Variants in PCGF5 observed in about 807,000 individuals in gnomAD.
PCGF5 encodes the protein polycomb group RING finger protein 5.
A neutral mutation model predicts 44.3 loss-of-function variants in PCGF5; 9 were observed. That is an observed-to-expected ratio of 0.20 (90% confidence interval 0.12 to 0.35). PCGF5 has a LOEUF of 0.35. Among genes scored for constraint, PCGF5 ranks in the 10% least tolerant of loss-of-function variants. PCGF5 has a pLI of 1.00. For synonymous variants in PCGF5, 95 were observed against 102.5 expected, an observed-to-expected ratio of 0.93 and a Z score of 0.44; for missense variants, 146 against 305.3, an observed-to-expected ratio of 0.48 and a Z score of 3.89.
intron 3 of PCGF5, among the ~76,000 whole-genome samples, chr10:91,244,327 C>T (rs1478808029): frequency 6.6e-6 from 1 of 152,098 alleles, no homozygotes; most frequent in Admixed American, 6.6e-5. Flanking sequence ...GTAAAGGGAG[C>T]AGCCAGTGCA....
In PCGF5 at chr10:91,228,173, GGTGACCCTGGTGAAAA is replaced by G. The variant is rs557256670; in HGVS notation, c.112+5192_112+5207del. On this transcript the variant is annotated intron_variant, in intron 2 of 9. Coordinates refer to ENST00000336126, the MANE Select transcript of PCGF5 (RefSeq NM_032373.5). ...AAGGGATGTTCTGTCTCTTTCACCA[GGTGACCCTGGTGAAAA>G]GAGAAACTTTAAAGCTGCTTAGAAT... 1.7e-3 allele frequency among the ~76,000 whole-genome samples: 264 copies of G among 152,224 alleles called. 2 individuals are homozygous for G. Among genetic ancestry groups the G allele is most frequent in the Admixed American group, 4.8e-3 (73 of 15,294 alleles).
At chr10:91,167,560 T>A (rs1843521521) in intron 1 of PCGF5, among the ~76,000 whole-genome samples, 1 of 152,200 alleles carries the variant, frequency 6.6e-6, no homozygotes, top group South Asian at 2.1e-4. Context: ...TATATGAGCA[T>A]GTCCAGGATT....
intron 1 of PCGF5, among the ~76,000 whole-genome samples, chr10:91,192,712 G>C (rs1190994681): frequency 6.6e-6 from 1 of 152,158 alleles, no homozygotes; most frequent in Non-Finnish European, 1.5e-5. Flanking sequence ...TATATGGTTT[G>C]TTATAAGGTG....
upstream of PCGF5, among the ~76,000 whole-genome samples, chr10:91,160,644 G>A (rs755692678): frequency 6.6e-6 from 1 of 152,078 alleles, no homozygotes; most frequent in Non-Finnish European, 1.5e-5. Flanking sequence ...CTCTGGGGGG[G>A]AAAAGAAGTC....
intron 1 of PCGF5, among the ~76,000 whole-genome samples, chr10:91,213,901 A>G (rs1417812152): frequency 6.6e-6 from 1 of 152,238 alleles, no homozygotes; most frequent in Admixed American, 6.5e-5. Context: ...GAACTGGTGA[A>G]GTCTTAGCCT....
rs573258759 is a variant in PCGF5 at position 91,199,975 on chromosome 10, A to C, written c.-183-22714A>C. Among the ~76,000 whole-genome samples, 11 of 152,342 alleles carry C rather than the reference A, an allele frequency of 7.2e-5. No homozygotes were observed. In the East Asian group the frequency reaches 2.1e-3, roughly 29 times the overall value. ...TTCAAGAGAATTACTGCTGTGGGCA[A>C]CTGGAGCTCAATCCGTTTAAGGAAC... On this transcript the variant is annotated intron_variant, in intron 1 of 9. Transcript: ENST00000614189.
chr10:91,239,222 G>A (rs974758128), intron 2 of PCGF5, among the ~76,000 whole-genome samples: 1 of 152,090 alleles, frequency 6.6e-6, no homozygotes, highest in Non-Finnish European at 1.5e-5. Context: ...AAGAATTTGG[G>A]CTTTGTTTTG....
chr10:91,183,067 G>A (rs963638583), intron 1 of PCGF5, among the ~76,000 whole-genome samples: 4 of 152,114 alleles, frequency 2.6e-5, no homozygotes, highest in Non-Finnish European at 4.4e-5. Flanking sequence ...TACATGTTTT[G>A]TGGCAATGAG....
At chr10:91,242,558 A>C (rs976769240) in intron 3 of PCGF5, among the ~76,000 whole-genome samples, 1 of 152,158 alleles carries the variant, frequency 6.6e-6, no homozygotes, top group Non-Finnish European at 1.5e-5. Flanking sequence ...TGTTTAATCA[A>C]ACCCGCTCCC....
At chr10:91,268,014 CAG>C (rs1846086833) in intron 8 of PCGF5, among the ~76,000 whole-genome samples, 2 of 152,080 alleles carry the variant, frequency 1.3e-5, no homozygotes, top group South Asian at 4.1e-4. Context: ...GTTTTTAAAT[CAG>C]AAATACAATG....
chr10:91,199,272 C>T (rs1318353040), intron 1 of PCGF5, among the ~76,000 whole-genome samples: 1 of 152,086 alleles, frequency 6.6e-6, no homozygotes, highest in African/African-American at 2.4e-5. Context: ...GTTTTGTATC[C>T]AGGATGTTTA....
chr10:91,245,145 G>A (rs1845427257), intron 3 of PCGF5, among the ~76,000 whole-genome samples: 1 of 152,132 alleles, frequency 6.6e-6, no homozygotes, highest in Admixed American at 6.6e-5. Context: ...GCCAGCACAG[G>A]AAACTGAGAA....
chr10:91,177,937 C>T (rs1043153813), intron 1 of PCGF5, among the ~76,000 whole-genome samples: 7 of 152,182 alleles, frequency 4.6e-5, no homozygotes, highest in African/African-American at 1.4e-4. Context: ...CACTGTCCAA[C>T]AATCCCCAGT....
chr10:91,261,483 C>A, intron 7 of PCGF5, 59 bp downstream of exon 7: 2 of 1,342,808 alleles, frequency 1.5e-6, no homozygotes, highest in Non-Finnish European at 1.9e-6. Flanking sequence ...AAGTAAAATT[C>A]TAACAAAAGT....
intron 1 of PCGF5, among the ~76,000 whole-genome samples, chr10:91,165,534 G>A (rs1843484115): frequency 6.6e-6 from 1 of 152,156 alleles, no homozygotes; most frequent in Admixed American, 6.5e-5. Flanking sequence ...CTCTCACTCT[G>A]TTGCCCAAGC....
At chr10:91,230,924 A>G (rs889380047) in intron 2 of PCGF5, among the ~76,000 whole-genome samples, 3 of 151,948 alleles carry the variant, frequency 2.0e-5, no homozygotes, top group Non-Finnish European at 4.4e-5. Context: ...TGCCCAGCCT[A>G]TTTATTTTAG....
Position 91,250,022 on chromosome 10 carries a change from G to A in PCGF5, c.326-1270G>A, listed in dbSNP as rs80006613. Among the ~76,000 whole-genome samples the A allele has an allele frequency of 4.6e-3, 700 of 152,114 alleles. 3 individuals carry two copies. The highest frequency in any genetic ancestry group is 0.026 in the East Asian group (133 of 5,184). On this transcript the variant is annotated intron_variant, in intron 5 of 9. Transcript: ENST00000336126. ...TGGTAGGTTTACTCTATGGTTCTAC[G>A]TATCACAGTTTAACTTGTGAAGGGC...
rs556777076 is a variant in PCGF5, at chr10:91,181,707, G to C, written c.-184+18626G>C. ...GTATGTTGAACCAACCTTGCATCCC[G>C]GGGATGAAGACCACTTGATGGTGGC... On this transcript the variant is annotated intron_variant, in intron 1 of 9. Transcript: ENST00000614189. Among the ~76,000 whole-genome samples, 3 of 152,130 alleles carry C rather than the reference G, an allele frequency of 2.0e-5. No homozygotes were observed. In the East Asian group the frequency reaches 5.8e-4, roughly 29 times the overall value.
chr10:91,241,414 CA>C (rs1845323335), intron 3 of PCGF5, among the ~76,000 whole-genome samples: 1 of 151,998 alleles, frequency 6.6e-6, no homozygotes, highest in Admixed American at 6.6e-5. Flanking sequence ...GATTCTAATC[CA>C]AATCCCTTTA....
Sources: gnomAD v4.1 joint callset for allele counts (sites outside exome capture counted in the v4.1 genomes callset) on GRCh38, gnomAD v4.1.1 for gene constraint, MANE v1.5 for transcripts, NCBI Gene and HGNC (gene_info 2026-07-23, HGNC 2026-07-21) for gene names.